CTNNA2: variants seen among roughly 807,000 people sequenced by gnomAD.
CTNNA2 encodes catenin alpha-2.
A neutral mutation model predicts 101.0 loss-of-function variants in CTNNA2; 42 were observed. The observed-to-expected ratio is 0.42, with a 90% CI of 0.32 to 0.54. The LOEUF (loss-of-function observed/expected upper bound fraction) is 0.54. CTNNA2 is among the 20% of genes least tolerant of loss of function. The pLI, the probability that CTNNA2 is intolerant of heterozygous loss-of-function variation, is 0.14. For missense variants in CTNNA2, 871 were observed against 1,223.1 expected (o/e 0.71, Z 4.29); for synonymous variants, 450 against 456.4 (o/e 0.99, Z 0.18).
chr2:79,810,977 G>T (rs530694909), intron 3 of CTNNA2, among the ~76,000 whole-genome samples: 1 of 151,060 alleles, frequency 6.6e-6, no homozygotes, highest in Non-Finnish European at 1.5e-5. Context: ...GAATAGTGCC[G>T]CAATAAACAT....
intron 6 of CTNNA2, among the ~76,000 whole-genome samples, chr2:79,887,629 G>A (rs1164930414): frequency 6.6e-6 from 1 of 152,062 alleles, no homozygotes; most frequent in Non-Finnish European, 1.5e-5. Context: ...ATCTGTTTGT[G>A]CTTAATTGGG....
intron 7 of CTNNA2, among the ~76,000 whole-genome samples, chr2:80,294,969 G>A (rs1057482962): frequency 1.3e-5 from 2 of 152,150 alleles, no homozygotes; most frequent in African/African-American, 4.8e-5. Context: ...AGCTACTTAT[G>A]TTAACTTGAG....
intron 11 of CTNNA2, among the ~76,000 whole-genome samples, chr2:80,554,333 T>A (rs1045208174): frequency 6.6e-6 from 1 of 152,178 alleles, no homozygotes; most frequent in African/African-American, 2.4e-5. Context: ...ATTGGTTGGA[T>A]TTGGCAGTTA....
At chr2:79,327,758 G>A (rs570071247) in intron 3 of CTNNA2, among the ~76,000 whole-genome samples, 151 of 152,294 alleles carry the variant, frequency 9.9e-4, no homozygotes, top group African/African-American at 3.3e-3. Flanking sequence ...AGTGGTTAAA[G>A]TATTTTCTCC....
chr2:80,622,337 G>C (rs1373684542), intron 18 of CTNNA2, among the ~76,000 whole-genome samples: 1 of 151,884 alleles, frequency 6.6e-6, no homozygotes, highest in East Asian at 1.9e-4. Flanking sequence ...CTCTAGCTTG[G>C]AGATATTCTG....
chr2:80,217,209 C>T (rs979505115), intron 7 of CTNNA2, among the ~76,000 whole-genome samples: 1 of 152,138 alleles, frequency 6.6e-6, no homozygotes, highest in East Asian at 1.9e-4. Flanking sequence ...GAAGCAAACA[C>T]TACAGGGTTG....
At chr2:79,549,991 G>A (rs939527971) in intron 1 of CTNNA2, among the ~76,000 whole-genome samples, 75 of 152,238 alleles carry the variant, frequency 4.9e-4, no homozygotes, top group African/African-American at 1.5e-3. Flanking sequence ...GGCTAGATCC[G>A]TGGACCTAGT....
intron 7 of CTNNA2, among the ~76,000 whole-genome samples, chr2:80,022,311 G>T (rs1471144131): frequency 2.6e-5 from 4 of 152,102 alleles, no homozygotes; most frequent in African/African-American, 9.7e-5. Context: ...CTTTCCTCAG[G>T]GATTTTATTG....
At chr2:80,294,548 T>C (rs939378840) in intron 7 of CTNNA2, among the ~76,000 whole-genome samples, 3 of 152,072 alleles carry the variant, frequency 2.0e-5, no homozygotes, top group Non-Finnish European at 4.4e-5. Flanking sequence ...ATCTTGTAGA[T>C]TGCTGAGTTG....
At chr2:79,384,376 TTCTCTCTCTCTCTCTCTCTCTC>T (rs11267995) in intron 4 of CTNNA2, among the ~76,000 whole-genome samples, 41 of 104,600 alleles carry the variant, frequency 3.9e-4, no homozygotes, top group African/African-American at 7.2e-4. Context: ...TGCATATTTC[TTCTCTCTCTCTCTCTCTCTCTC>T]TCTCTCTCTC....
intron 15 of CTNNA2, among the ~76,000 whole-genome samples, chr2:80,600,565 C>T (rs1697400532): frequency 6.6e-6 from 1 of 151,948 alleles, no homozygotes; most frequent in African/African-American, 2.4e-5. Flanking sequence ...ATATATAAAT[C>T]ATTAATAATG....
chr2:79,988,460 ATGTGTATGTG>A (rs1318878605), intron 7 of CTNNA2, among the ~76,000 whole-genome samples: 10 of 89,354 alleles, frequency 1.1e-4, no homozygotes, highest in South Asian at 4.4e-4. Flanking sequence ...TATGAAGTGT[ATGTGTATGTG>A]TGTGTGTGTG....
intron 3 of CTNNA2, among the ~76,000 whole-genome samples, chr2:79,373,584 G>A (rs1677920671): frequency 2.0e-5 from 3 of 152,102 alleles, no homozygotes; most frequent in Non-Finnish European, 4.4e-5. Context: ...GGGATAAAAA[G>A]CAGGCTCTGC....
intron 2 of CTNNA2, among the ~76,000 whole-genome samples, chr2:79,248,693 T>C (rs6741996): frequency 0.012 from 1,762 of 152,236 alleles, 36 homozygotes; most frequent in African/African-American, 0.041. Flanking sequence ...TGAGTCAAGG[T>C]GTGCATCAGG....
intron 7 of CTNNA2, among the ~76,000 whole-genome samples, chr2:79,939,086 T>A (rs1687978046): frequency 6.6e-6 from 1 of 152,186 alleles, no homozygotes; most frequent in Non-Finnish European, 1.5e-5. Flanking sequence ...TCCGTTATAT[T>A]ATAGAATTTT....
At position 79,519,559 on chromosome 2, in the gene CTNNA2, C is replaced by T. The variant is rs1671994242; in HGVS notation, c.-6+6352C>T. Among the ~76,000 whole-genome samples the T allele has an allele frequency of 3.9e-5, 6 of 152,200 alleles. No homozygotes were observed. In the South Asian group the frequency reaches 1.2e-3, roughly 32 times the overall value. ...TTGAGTGACTTAGACTTATATCTAG[C>T]TATAAAATTCTATAATTCTACATGT... is the stretch of plus-strand genomic sequence containing the variant. On this transcript the variant is annotated intron_variant, in intron 1 of 18. Coordinates refer to ENST00000402739, the MANE Select transcript of CTNNA2 (RefSeq NM_001282597.3).
intron 7 of CTNNA2, among the ~76,000 whole-genome samples, chr2:79,950,879 G>A (rs557722603): frequency 2.0e-5 from 3 of 152,134 alleles, no homozygotes; most frequent in Admixed American, 6.6e-5. Context: ...GTTGCACTGC[G>A]CTTCTGACTC....
At chr2:79,831,109 G>A (rs1378865814) in intron 3 of CTNNA2, among the ~76,000 whole-genome samples, 2 of 151,738 alleles carry the variant, frequency 1.3e-5, no homozygotes, top group African/African-American at 4.8e-5. Flanking sequence ...ACAAACTTCG[G>A]CCAAATTACT....
intron 3 of CTNNA2, among the ~76,000 whole-genome samples, chr2:79,369,445 C>G (rs1165142173): frequency 1.3e-5 from 2 of 152,130 alleles, no homozygotes. Context: ...CTTCCAATAT[C>G]GTCTTGGCCT....
Sources: gnomAD v4.1 joint callset for allele counts (sites outside exome capture counted in the v4.1 genomes callset) on GRCh38, gnomAD v4.1.1 for gene constraint, MANE v1.5 for transcripts, NCBI Gene and HGNC (gene_info 2026-07-23, HGNC 2026-07-21) for gene names.